PSD2: variants seen among roughly 807,000 people sequenced by gnomAD.
PSD2 encodes PH and SEC7 domain-containing protein 2.
A neutral mutation model predicts 69.8 loss-of-function variants in PSD2; 38 were observed. The ratio of observed to expected loss-of-function variants is 0.54; its 90% CI spans 0.42 to 0.71. PSD2 has a LOEUF of 0.71. PSD2 is among the 30% of genes least tolerant of loss of function. The pLI, the probability that PSD2 is intolerant of heterozygous loss-of-function variation, is 0.00. For missense variants in PSD2, 943 were observed against 1,014.5 expected, an observed-to-expected ratio of 0.93 and a Z score of 0.96; for synonymous variants, 412 against 423.0, an observed-to-expected ratio of 0.97 and a Z score of 0.32.
At chr5:139,783,943 C>CTTTTTTTTTTTTTTTTTTT in the PSD2 span, among the ~76,000 whole-genome samples, 11 of 87,888 alleles carry the variant, frequency 1.3e-4, 2 homozygotes, top group South Asian at 5.4e-4. Context: ...TCTGCTAGCT[C>CTTTTTTTTTTTTTTTTTTT]TTTTTTTTTT....
intron 1 of PSD2, among the ~76,000 whole-genome samples, chr5:139,803,209 C>T (rs1177480822): frequency 2.0e-5 from 3 of 152,242 alleles, no homozygotes; most frequent in African/African-American, 7.2e-5. Flanking sequence ...AGGGGATGCC[C>T]TCTCTGGCCC....
the PSD2 span, among the ~76,000 whole-genome samples, chr5:139,787,001 C>A: frequency 6.6e-6 from 1 of 152,180 alleles, no homozygotes; most frequent in African/African-American, 2.4e-5. Flanking sequence ...CGCACAACCA[C>A]TTACAGTACA....
intron 1 of PSD2, among the ~76,000 whole-genome samples, chr5:139,801,719 C>T (rs976206678): frequency 1.8e-4 from 28 of 152,182 alleles, no homozygotes; most frequent in African/African-American, 6.5e-4. Flanking sequence ...GCCTACACAG[C>T]ATCTCAACTT....
chr5:139,813,793 C>G (rs376990624), intron 3 of PSD2, 35 bp downstream of exon 3: 5 of 1,541,348 alleles, frequency 3.2e-6, no homozygotes, highest in Non-Finnish European at 4.4e-6. Flanking sequence ...AACCACCGAG[C>G]AGATGGGGAA....
At chr5:139,781,336 C>CTTT in the PSD2 span, among the ~76,000 whole-genome samples, 2 of 151,658 alleles carry the variant, frequency 1.3e-5, no homozygotes, top group Admixed American at 6.6e-5. Flanking sequence ...ACATATCTCT[C>CTTT]TCTTTTTTTT....
chr5:139,767,210 G>C, the PSD2 span, among the ~76,000 whole-genome samples: 1 of 151,556 alleles, frequency 6.6e-6, no homozygotes, highest in Non-Finnish European at 1.5e-5. Context: ...AGCCAGGATG[G>C]TCTCGATCTC....
At position 139,834,479 on chromosome 5, in the gene PSD2, T is replaced by A. The variant is rs904106630; in HGVS notation, c.1359+688T>A. Reference sequence around the variant, plus strand: ...TTTATTTTTATGCTTTTTTTTTTTTTTATAGAGCTGGGGATCTCACTATGT... The same window carrying A: ...TTTATTTTTATGCTTTTTTTTTTTTATATAGAGCTGGGGATCTCACTATGT... On this transcript the variant is annotated intron_variant, in intron 8 of 14. Coordinates refer to ENST00000274710, the MANE Select transcript of PSD2 (RefSeq NM_032289.4). 3.3e-5 allele frequency among the ~76,000 whole-genome samples: 5 copies of A among 151,550 alleles called. No homozygotes were observed. In the East Asian group the frequency reaches 5.8e-4, roughly 18 times the overall value.
the PSD2 span, among the ~76,000 whole-genome samples, chr5:139,784,982 C>T: frequency 5.3e-5 from 8 of 152,084 alleles, no homozygotes; most frequent in South Asian, 1.7e-3. Context: ...TGGTCTCAAA[C>T]TCCTGACCTC....
chr5:139,822,851 C>A, intron 7 of PSD2, 67 bp downstream of exon 7: 2 of 1,385,710 alleles, frequency 1.4e-6, no homozygotes, highest in Non-Finnish European at 2.0e-6. Flanking sequence ...TTGATCCCGG[C>A]CCCTTCCTGA....
intron 8 of PSD2, among the ~76,000 whole-genome samples, chr5:139,834,573 T>G (rs1760671191): frequency 6.6e-6 from 1 of 151,868 alleles, no homozygotes; most frequent in Non-Finnish European, 1.5e-5. Flanking sequence ...AATGCTGAAA[T>G]TACAGGCGTA....
At chr5:139,832,441 T>C (rs1760618806) in intron 7 of PSD2, among the ~76,000 whole-genome samples, 1 of 152,244 alleles carries the variant, frequency 6.6e-6, no homozygotes. Context: ...CCTTGCATCA[T>C]TGTTTTCTGA....
chr5:139,841,726 G>A (rs1287995060), intron 14 of PSD2, among the ~76,000 whole-genome samples: 1 of 152,186 alleles, frequency 6.6e-6, no homozygotes, highest in East Asian at 1.9e-4. Context: ...ATCTCATTGT[G>A]ACTTGCATTT....
intron 9 of PSD2, 66 bp downstream of exon 9, chr5:139,835,832 C>A: frequency 6.7e-7 from 1 of 1,483,636 alleles, no homozygotes; most frequent in Non-Finnish European, 9.4e-7. Context: ...TGTGGGGGTG[C>A]AGGTCCGACA....
chr5:139,828,985 G>A (rs1760501726), intron 7 of PSD2, among the ~76,000 whole-genome samples: 1 of 141,142 alleles, frequency 7.1e-6, no homozygotes, highest in African/African-American at 2.5e-5. Flanking sequence ...CAAGGGCTCA[G>A]GAAAGACTGG....
intron 1 of PSD2, among the ~76,000 whole-genome samples, chr5:139,799,606 G>A (rs1036768068): frequency 4.6e-5 from 7 of 152,188 alleles, no homozygotes; most frequent in Admixed American, 4.6e-4. Flanking sequence ...GGCACTCTGA[G>A]GAGGATGGAG....
intron 2 of PSD2, among the ~76,000 whole-genome samples, chr5:139,812,661 C>T (rs1214798685): frequency 2.0e-5 from 3 of 152,160 alleles, no homozygotes; most frequent in Non-Finnish European, 4.4e-5. Context: ...GGCCTGCCTC[C>T]CCTGCTCTCT....
At chr5:139,746,937 C>T in the PSD2 span, among the ~76,000 whole-genome samples, 1 of 152,180 alleles carries the variant, frequency 6.6e-6, no homozygotes, top group Non-Finnish European at 1.5e-5. The surrounding 1 kb of genome is among the most constrained non-coding windows in gnomAD (Gnocchi z 4.5). Context: ...CGGCTCGTCC[C>T]CACCCTCCAC....
the PSD2 span, among the ~76,000 whole-genome samples, chr5:139,766,828 CTTCTTTCTTTCT>C: frequency 2.6e-3 from 232 of 87,796 alleles, 2 homozygotes; most frequent in East Asian, 0.018. Context: ...AAGTCCCTTC[CTTCTTTCTTTCT>C]TTCTTTCTTT....
At chr5:139,777,409 A>G in the PSD2 span, among the ~76,000 whole-genome samples, 3 of 152,160 alleles carry the variant, frequency 2.0e-5, no homozygotes, top group Admixed American at 1.3e-4. Context: ...AAGCAAGACT[A>G]TTTCAAAGCT....
Sources: gnomAD v4.1 joint callset for allele counts (sites outside exome capture counted in the v4.1 genomes callset) on GRCh38, gnomAD v4.1.1 for gene constraint, Gnocchi (gnomAD v3.1) non-coding constraint, MANE v1.5 for transcripts, NCBI Gene and HGNC (gene_info 2026-07-23, HGNC 2026-07-21) for gene names.